The following PLEKHM1 variants were observed in gnomAD, a reference collection of about 807,000 sequenced individuals.
PLEKHM1 encodes the protein pleckstrin homology and RUN domain containing M1.
In PLEKHM1, 28 loss-of-function variants were observed where a neutral mutation model predicts 94.3. The observed-to-expected ratio is 0.30, with a 90% CI of 0.22 to 0.41. PLEKHM1 has a LOEUF of 0.41. Among genes scored for constraint, PLEKHM1 ranks in the 10% least tolerant of loss-of-function variants. The pLI is 1.00. For missense variants in PLEKHM1, 907 were observed against 1,358.6 expected (o/e 0.67, Z 5.22); for synonymous variants, 424 against 581.2 (o/e 0.73, Z 3.89).
At chr17:45,486,025 G>T (rs1190097325) in intron 1 of PLEKHM1, among the ~76,000 whole-genome samples, 1 of 150,512 alleles carries the variant, frequency 6.6e-6, no homozygotes, top group Admixed American at 6.6e-5. Flanking sequence ...GACCATCCTG[G>T]CTAACACGGT....
At chr17:45,465,716 A>T (rs565860014) in intron 5 of PLEKHM1, among the ~76,000 whole-genome samples, 143 of 150,490 alleles carry the variant, frequency 9.5e-4, no homozygotes, top group Middle Eastern at 3.4e-3. Context: ...CCTCAAAAAA[A>T]TTTTTTTTTT....
chr17:45,462,989 C>G (rs1213823047), intron 5 of PLEKHM1, among the ~76,000 whole-genome samples: 1 of 147,154 alleles, frequency 6.8e-6, no homozygotes, highest in East Asian at 2.0e-4. Context: ...GGCTGAGGCA[C>G]AAGAATTGCT....
intron 1 of PLEKHM1, among the ~76,000 whole-genome samples, chr17:45,484,246 T>C (rs2868657): frequency 6.6e-6 from 1 of 152,208 alleles, no homozygotes; most frequent in Admixed American, 6.5e-5. Flanking sequence ...TTGGGAAAAT[T>C]TATGTCCTGC....
In PLEKHM1 at chr17:45,440,398, C is replaced by G. The variant is rs528631620; in HGVS notation, c.2838-172G>C. The G allele has an allele frequency of 1.6e-3, 1,107 of 688,254 alleles. 5 individuals carry two copies. Among genetic ancestry groups the G allele is most frequent in the Non-Finnish European group, 2.2e-3 (835 of 379,584 alleles). The allele number at this position is 688,254 out of a possible 1,614,324, so 42.6% of individuals were successfully genotyped here. A position where few individuals can be genotyped will look rare whatever the true frequency, so the allele number is the denominator to read the frequency against. The stretch of plus-strand genomic sequence containing the variant: ...CCTGGGCTTGGGGCCTGGTCTTCAA[C>G]GTAACTAACTAGCTGGTGGGACCTT... On this transcript the variant is annotated intron_variant, in intron 9 of 11. Transcript: ENST00000430334.
chr17:45,473,805 G>A (rs2145310305), intron 4 of PLEKHM1, among the ~76,000 whole-genome samples: 2 of 152,184 alleles, frequency 1.3e-5, no homozygotes, highest in Middle Eastern at 3.4e-3. Context: ...TGATCCGCCC[G>A]CCTCGGCCTC....
intron 9 of PLEKHM1, among the ~76,000 whole-genome samples, chr17:45,442,457 G>A (rs2050477914): frequency 6.6e-6 from 1 of 152,160 alleles, no homozygotes; most frequent in South Asian, 2.1e-4. Context: ...CCAGCCTGGA[G>A]TGCAGTGGCG....
chr17:45,472,567 G>GTC (rs2051551694), intron 4 of PLEKHM1, among the ~76,000 whole-genome samples: 1 of 152,176 alleles, frequency 6.6e-6, no homozygotes, highest in South Asian at 2.1e-4. Context: ...CTGTGCCTGG[G>GTC]TCACACTGCA....
intron 6 of PLEKHM1, among the ~76,000 whole-genome samples, chr17:45,457,022 A>G (rs2050971784): frequency 1.3e-5 from 2 of 152,098 alleles, no homozygotes; most frequent in South Asian, 4.1e-4. Flanking sequence ...GTCCACTGGA[A>G]ATACAAGAAT....
chr17:45,486,665 C>T (rs918537993), intron 1 of PLEKHM1, among the ~76,000 whole-genome samples: 1 of 152,044 alleles, frequency 6.6e-6, no homozygotes, highest in Non-Finnish European at 1.5e-5. Context: ...GTCAGAAATG[C>T]CACAAAATGA....
chr17:45,471,492 G>A (rs2051509633), intron 4 of PLEKHM1, among the ~76,000 whole-genome samples: 1 of 151,864 alleles, frequency 6.6e-6, no homozygotes, highest in Non-Finnish European at 1.5e-5. Flanking sequence ...GCTGGGCATG[G>A]TGGCTCATGC....
In PLEKHM1 at chr17:45,445,542, C is replaced by T. The variant is rs774077762; in HGVS notation, c.2765G>A (p.Arg922Gln). 5.6e-6 allele frequency: 9 copies of T among 1,613,896 alleles called. No individual in the cohort carries two copies. The Admixed American group carries it at 6.7e-5, about 12-fold the overall frequency. ...ATCCCCCAGGAGCTTCAGCTGCTCC[C>T]GTCTCCTCCCAATGAGGTGCATCCG... The part of the protein sequence containing the change: ...VERMHLIGRR[R>Q]EQLKLLGDYL... Residue 922 changes from arginine to glutamine, a missense_variant, in exon 9 of 12, where the codon CGG becomes CAG. Arg to Gln is a conservative substitution (Grantham distance 43). Around this residue, in one of 3 missense-constraint regions of PLEKHM1, gnomAD observed 254 missense variants for 451.1 expected, o/e 0.56. Coordinates refer to ENST00000430334, the MANE Select transcript of PLEKHM1 (RefSeq NM_014798.3). This position sits in a 1 kb window ranked among gnomAD's most constrained non-coding sequence, Gnocchi z 4.2.
At chr17:45,480,927 G>T (rs2051932745) in intron 2 of PLEKHM1, among the ~76,000 whole-genome samples, 1 of 152,148 alleles carries the variant, frequency 6.6e-6, no homozygotes, top group African/African-American at 2.4e-5. Context: ...TAGTTCTCTT[G>T]GGTATATATC....
chr17:45,464,746 A>G (rs1397071515), intron 5 of PLEKHM1, among the ~76,000 whole-genome samples: 3 of 152,212 alleles, frequency 2.0e-5, no homozygotes, highest in African/African-American at 7.2e-5. Flanking sequence ...GCTGGCACAG[A>G]GGCAGAGCCT....
At chr17:45,438,035 C>T in intron 11 of PLEKHM1, 66 bp from the exon 12 acceptor site, 1 of 1,260,208 alleles carries the variant, frequency 7.9e-7, no homozygotes, top group Non-Finnish European at 1.2e-6. Flanking sequence ...GCCACGCTGG[C>T]CAGCCCTTTT....
At chr17:45,456,134 C>T (rs2050939949) in intron 6 of PLEKHM1, 1 of 152,254 alleles carries the variant, frequency 6.6e-6, no homozygotes, top group Non-Finnish European at 1.5e-5. Flanking sequence ...GAGGGCTTTT[C>T]TGGCCATCCT....
chr17:45,483,366 G>A (rs2052015147), intron 1 of PLEKHM1, among the ~76,000 whole-genome samples: 3 of 151,008 alleles, frequency 2.0e-5, no homozygotes, highest in South Asian at 2.1e-4. Flanking sequence ...AAGAGCTGAA[G>A]TCAGTGAGTG....
chr17:45,467,890 A>C (rs2051367325), intron 5 of PLEKHM1, among the ~76,000 whole-genome samples: 1 of 152,266 alleles, frequency 6.6e-6, no homozygotes, highest in Non-Finnish European at 1.5e-5. Context: ...TAGTGGTTAA[A>C]GAGCTGAGAC....
At chr17:45,438,392 C>T (rs1485245393) in intron 11 of PLEKHM1, among the ~76,000 whole-genome samples, 2 of 151,830 alleles carry the variant, frequency 1.3e-5, no homozygotes, top group South Asian at 2.1e-4. Context: ...ATTAGCCGGG[C>T]GTGGCGGTGT....
intron 4 of PLEKHM1, among the ~76,000 whole-genome samples, chr17:45,469,461 C>A (rs1433964258): frequency 6.6e-6 from 1 of 152,182 alleles, no homozygotes; most frequent in Non-Finnish European, 1.5e-5. Flanking sequence ...TTCTGAGGAT[C>A]CAAGCTCCAT....
Sources: allele counts gnomAD v4.1 joint callset (sites outside exome capture counted in the v4.1 genomes callset), GRCh38; gene constraint gnomAD v4.1.1; regional missense constraint gnomAD v4.1.1; non-coding constraint Gnocchi (gnomAD v3.1); transcripts MANE v1.5; gene names NCBI Gene and HGNC (gene_info 2026-07-23, HGNC 2026-07-21).